Variants in RYR2 observed in about 807,000 individuals in gnomAD.
RYR2 encodes ryanodine receptor 2, also known as cardiac muscle ryanodine receptor-calcium release channel.
RYR2 carries 227 observed loss-of-function variants against 601.1 expected under a neutral mutation model. The observed-to-expected ratio is 0.38, with a 90% CI of 0.34 to 0.42. RYR2 has a LOEUF of 0.42. RYR2 is among the 10% of genes least tolerant of loss of function. The pLI is 1.00. For missense variants in RYR2, 4,646 were observed against 6,156.5 expected (o/e 0.75, Z 8.21); for synonymous variants, 2,223 against 2,175.1 (o/e 1.02, Z -0.61).
intron 103 of RYR2, 138 bp from the exon 104 acceptor site, chr1:237,831,376 T>C (rs1346700722): frequency 8.6e-6 from 5 of 580,772 alleles, no homozygotes; most frequent in African/African-American, 1.9e-5. Flanking sequence ...GGTACACTAA[T>C]TTTTCCAAAA....
intron 1 of RYR2, among the ~76,000 whole-genome samples, chr1:237,233,580 T>C (rs988395650): frequency 2.0e-5 from 3 of 152,224 alleles, no homozygotes; most frequent in Non-Finnish European, 4.4e-5. Flanking sequence ...TTTTTGTGCA[T>C]GTTACATGGC....
chr1:237,274,977 T>C (rs1690112871), intron 2 of RYR2, among the ~76,000 whole-genome samples: 1 of 151,880 alleles, frequency 6.6e-6, no homozygotes, highest in Non-Finnish European at 1.5e-5. Context: ...CTCCATGATG[T>C]ACACATAATG....
At chr1:237,360,511 A>G (rs909564260) in intron 4 of RYR2, among the ~76,000 whole-genome samples, 4 of 152,214 alleles carry the variant, frequency 2.6e-5, no homozygotes. Context: ...AGAACTACAT[A>G]ATTGTATGTA....
chr1:237,531,036 T>C (rs1001698487), intron 25 of RYR2, among the ~76,000 whole-genome samples: 2 of 152,186 alleles, frequency 1.3e-5, no homozygotes, highest in South Asian at 2.1e-4. Flanking sequence ...CAGAATATAT[T>C]TGGGAGTGTG....
At chr1:237,284,477 C>CATATATATAATATATAAAATATATATAAA (rs1691255262) in intron 2 of RYR2, among the ~76,000 whole-genome samples, 3 of 139,988 alleles carry the variant, frequency 2.1e-5, no homozygotes, top group Non-Finnish European at 4.5e-5. Context: ...ACTATATATA[C>CATATATATAATATATAAAATATATATAAA]ATATATATAA....
rs1348861049 is a variant in RYR2, at chr1:237,209,267, A to T, written c.49-61230A>T. ...TAAAAAAGACATGCATTATATGAACAAGATGATTCCAAATTCAGTTTTGAA... is the reference window on the plus strand; with the variant it reads ...TAAAAAAGACATGCATTATATGAACTAGATGATTCCAAATTCAGTTTTGAA... On this transcript the variant is annotated intron_variant, in intron 1 of 104. Transcript: ENST00000366574. Among the ~76,000 whole-genome samples, 6 of 151,530 alleles carry T rather than the reference A, an allele frequency of 4.0e-5. No homozygotes were observed. The East Asian group carries it at 9.7e-4, about 24-fold the overall frequency.
chr1:237,546,389 T>G lies in RYR2; in HGVS notation c.2907-2042T>G, dbSNP rs1669804820. On this transcript the variant is annotated intron_variant, in intron 25 of 104. Transcript: ENST00000366574. ...AATTACTTTTTTGTTGTTGTTGTTG[T>G]TTTTTTGAGACAGAGTCTCGCCGTG... Among the ~76,000 whole-genome samples the G allele has an allele frequency of 2.6e-5, 4 of 151,992 alleles. No individual in the cohort carries two copies. The South Asian group carries it at 8.3e-4, about 32-fold the overall frequency.
intron 21 of RYR2, among the ~76,000 whole-genome samples, chr1:237,501,412 T>G (rs1240762558): frequency 6.6e-6 from 1 of 152,002 alleles, no homozygotes; most frequent in African/African-American, 2.4e-5. Flanking sequence ...TCTCTGCCCA[T>G]GGTCAATGGT....
At position 237,593,609 on chromosome 1, in the gene RYR2, G is replaced by A. The variant is rs1404448594; in HGVS notation, c.4409G>A (p.Gly1470Glu). Residue 1470 changes from glycine to glutamate, a missense_variant, in exon 33 of 105, where the codon GGA becomes GAA. Physicochemically the swap from Gly to Glu is moderately conservative, Grantham distance 98. This residue lies in a region of RYR2 where 1,807 missense variants were observed against 2,088.1 expected (regional missense o/e 0.87). Coordinates refer to ENST00000366574, the MANE Select transcript of RYR2 (RefSeq NM_001035.3). The part of the protein sequence containing the change: ...DRVRTVTVTL[G>E]DEKGKVHESI... ...GTTCGCACAGTAACAGTTACTCTAG[G>A]AGATGAAAAAGGAAAAGTGCATGAA... The A allele has an allele frequency of 6.2e-7, 1 of 1,613,690 alleles. No homozygotes were observed. Among genetic ancestry groups the A allele is most frequent in the Non-Finnish European group, 8.5e-7 (1 of 1,179,820 alleles).
At chr1:237,625,856 C>T (rs542666614) in intron 40 of RYR2, 52 bp downstream of exon 40, 11 of 1,588,442 alleles carry the variant, frequency 6.9e-6, no homozygotes, top group South Asian at 1.1e-5. Flanking sequence ...TGACACTTAA[C>T]TCATCCTTTG....
At chr1:237,224,253 A>C (rs1684122965) in intron 1 of RYR2, among the ~76,000 whole-genome samples, 1 of 152,248 alleles carries the variant, frequency 6.6e-6, no homozygotes, top group South Asian at 2.1e-4. Flanking sequence ...AAGAAAAAAT[A>C]AGGATGGTAT....
chr1:237,546,993 A>ATATATATATATATTTATT (rs746133377), intron 25 of RYR2, among the ~76,000 whole-genome samples: 30 of 127,398 alleles, frequency 2.4e-4, no homozygotes, highest in East Asian at 4.7e-4. Flanking sequence ...ATATATATAT[A>ATATATATATATATTTATT]TATTTATTTA....
chr1:237,255,726 A>G (rs1351582412), intron 1 of RYR2, among the ~76,000 whole-genome samples: 1 of 152,176 alleles, frequency 6.6e-6, no homozygotes, highest in African/African-American at 2.4e-5. Context: ...ATATGGGCAC[A>G]TTGATCCTGA....
intron 15 of RYR2, 25 bp downstream of exon 15, chr1:237,454,599 C>G: frequency 3.7e-6 from 6 of 1,606,704 alleles, no homozygotes; most frequent in Non-Finnish European, 2.6e-6. Flanking sequence ...ACACTCATTT[C>G]TCTTCTGTTA....
At chr1:237,760,908 A>T in intron 83 of RYR2, 47 bp from the exon 84 acceptor site, 2 of 1,244,004 alleles carry the variant, frequency 1.6e-6, no homozygotes, top group Non-Finnish European at 2.3e-6. Context: ...AGCAAAGAAA[A>T]TGTTCTATTA....
In RYR2 at chr1:237,593,749, T is replaced by C. The variant is rs1675500419; in HGVS notation, c.4436+113T>C. The C allele has an allele frequency of 6.3e-6, 7 of 1,106,410 alleles. No individual in the cohort carries two copies. The South Asian group carries it at 1.1e-4, about 17-fold the overall frequency. The allele number at this position is 1,106,410 out of a possible 1,614,324, so 68.5% of individuals were successfully genotyped here. On this transcript the variant is annotated intron_variant, in intron 33 of 104. Coordinates refer to ENST00000366574, the MANE Select transcript of RYR2 (RefSeq NM_001035.3). ...AAGGTATTTCTATTTATAGGAAGAATATAATCAAGCCATTAATGTCAATGT... is the reference window on the plus strand; with the variant it reads ...AAGGTATTTCTATTTATAGGAAGAACATAATCAAGCCATTAATGTCAATGT...
chr1:237,634,831 T>G, intron 43 of RYR2, 58 bp from the exon 44 acceptor site: 5 of 1,291,390 alleles, frequency 3.9e-6, no homozygotes, highest in Non-Finnish European at 5.5e-6. Flanking sequence ...TATTTTTGTA[T>G]GGAGTTTATA....
chr1:237,530,746 T>C (rs1236458803), intron 25 of RYR2, among the ~76,000 whole-genome samples: 5 of 151,818 alleles, frequency 3.3e-5, no homozygotes, highest in Non-Finnish European at 5.9e-5. Flanking sequence ...CCTGTCTCCA[T>C]TAAAAATACA....
chr1:237,618,182 C>G (rs1337848734), intron 38 of RYR2, among the ~76,000 whole-genome samples: 1 of 151,830 alleles, frequency 6.6e-6, no homozygotes, highest in African/African-American at 2.4e-5. Context: ...GGACTAATTA[C>G]AGAATTTTTT....
Sources: gnomAD v4.1 joint callset for allele counts (sites outside exome capture counted in the v4.1 genomes callset) on GRCh38, gnomAD v4.1.1 for gene constraint, gnomAD v4.1.1 regional missense constraint, MANE v1.5 for transcripts, NCBI Gene and HGNC (gene_info 2026-07-23, HGNC 2026-07-21) for gene names.